MICALL2: variants seen among roughly 807,000 people sequenced by gnomAD.
MICALL2 encodes the protein MICAL-like protein 2.
MICALL2 carries 111 observed loss-of-function variants against 91.1 expected under a neutral mutation model. The ratio of observed to expected loss-of-function variants is 1.22; its 90% CI spans 1.04 to 1.43. The LOEUF (loss-of-function observed/expected upper bound fraction) is 1.43, where lower values mean the gene tolerates loss of function less well. Among genes scored for constraint, MICALL2 ranks in the 40% most tolerant of loss-of-function variants. The pLI is 0.00. For missense variants in MICALL2, 1,556 were observed against 1,236.0 expected, an observed-to-expected ratio of 1.26 and a Z score of -3.88; for synonymous variants, 694 against 525.3, an observed-to-expected ratio of 1.32 and a Z score of -4.39.
intron 9 of MICALL2, chr7:1,439,658 C>CACACACATGA (rs1780181786): frequency 7.8e-6 from 3 of 386,938 alleles, no homozygotes; most frequent in Non-Finnish European, 1.4e-5. Context: ...GCACATGCAT[C>CACACACATGA]ACACACATGA....
Position 1,438,834 on chromosome 7 carries a change from G to A in MICALL2, c.2122+6C>T, listed in dbSNP as rs575714199. On this transcript the variant is annotated splice_donor_region_variant and intron_variant, in intron 10 of 16. Transcript: ENST00000297508. ...CCCAAACAGCAGCGGTGTCTCTGGG[G>A]CTGACCTGGTTTGCCCTGAAGGTGA... 264 of 1,598,846 alleles carry A rather than the reference G, an allele frequency of 1.7e-4. 2 individuals carry two copies. The South Asian group carries it at 2.8e-3, about 17-fold the overall frequency.
chr7:1,442,314 G>A lies in MICALL2; in HGVS notation c.1589C>T (p.Ala530Val), dbSNP rs776300583. The change falls in exon 7 of 17, where the codon GCG (alanine) becomes GTG (valine). Residue 530 changes from alanine (A) to valine (V), a missense_variant. Coordinates refer to ENST00000297508, the MANE Select transcript of MICALL2 (RefSeq NM_182924.4). The part of the protein sequence containing the change: ...LSTSSTSQAS[A>V]LPPAGRRNLA... ...GTTCCTCCTGCCTGCCGGGGGCAAC[G>A]CGGATGCCTGAGAGGTACTGCTCGT... The A allele has an allele frequency of 3.4e-5, 55 of 1,613,220 alleles. No homozygotes were observed. The highest frequency in any genetic ancestry group is 1.7e-4 in the Middle Eastern group (1 of 6,056).
chr7:1,434,512 G>T lies in MICALL2; in HGVS notation c.*84C>A. 2.4e-6 allele frequency: 3 copies of T among 1,245,456 alleles called. No individual in the cohort carries two copies. Among genetic ancestry groups the T allele is most frequent in the Non-Finnish European group, 2.4e-6 (2 of 846,500 alleles). 77.2% of individuals were successfully genotyped at this position (1,245,456 alleles called of 1,614,324 possible). ...AGCCCACGGCCCCGAGTACAAGTCCGGGTTCCGGGTCCGGGCCAAGCCCAT... is the reference window on the plus strand; with the variant it reads ...AGCCCACGGCCCCGAGTACAAGTCCTGGTTCCGGGTCCGGGCCAAGCCCAT... On this transcript the variant is annotated 3_prime_UTR_variant, in exon 17 of 17. Coordinates refer to ENST00000297508, the MANE Select transcript of MICALL2 (RefSeq NM_182924.4).
At chr7:1,448,821 C>A in intron 2 of MICALL2, 60 bp from the exon 3 acceptor site, 1 of 1,588,734 alleles carries the variant, frequency 6.3e-7, no homozygotes, top group East Asian at 2.2e-5. Flanking sequence ...CTCCACCAGG[C>A]CGCAGCTCAC....
At chr7:1,434,744 C>G in intron 16 of MICALL2, 72 bp from the exon 17 acceptor site, 1 of 1,417,904 alleles carries the variant, frequency 7.1e-7, no homozygotes, top group Non-Finnish European at 9.5e-7. Flanking sequence ...ACAAGTCCCC[C>G]TGCCAGAAAC....
At chr7:1,439,297 G>A (rs1429333556) in intron 9 of MICALL2, 6 of 400,678 alleles carry the variant, frequency 1.5e-5, no homozygotes, top group Non-Finnish European at 2.3e-5. Flanking sequence ...AGAGATGTGT[G>A]TGCACACACA....
chr7:1,459,205 T>C lies in MICALL2; in HGVS notation c.122A>G (p.His41Arg), dbSNP rs201656208. ...TTACATGAGGTCGGGCCGGTGGCGG[T>C]GCAGGATGGCGCAGAAAGCCAGGCC... ...RDGLAFCAIL[H>R]RHRPDLINFS... Residue 41 changes from histidine (H) to arginine (R), a missense_variant, in exon 1 of 17, where the codon CAC becomes CGC. By Grantham distance (29) the His-to-Arg change is conservative. Coordinates refer to ENST00000297508, the MANE Select transcript of MICALL2 (RefSeq NM_182924.4). 3 of 1,610,354 alleles carry C rather than the reference T, an allele frequency of 1.9e-6. No homozygotes were observed. The highest frequency in any genetic ancestry group is 1.7e-5 in the Admixed American group (1 of 59,722).
rs1780207690 is a variant in MICALL2, at chr7:1,440,096, G to T, written c.1806-11C>A. ...TTGGGCTTCAGAGTCCTGGGCAGAA[G>T]GCATGAGGTCGGAACCCGAACCACC... On this transcript the variant is annotated splice_polypyrimidine_tract_variant and intron_variant, in intron 8 of 16. Transcript: ENST00000297508. 6.3e-7 allele frequency: 1 copy of T among 1,585,540 alleles called. No homozygotes were observed. Among genetic ancestry groups the T allele is most frequent in the Non-Finnish European group, 8.5e-7 (1 of 1,172,416 alleles).
chr7:1,434,889 G>A, intron 16 of MICALL2: 2 of 704,008 alleles, frequency 2.8e-6, no homozygotes, highest in Non-Finnish European at 4.7e-6. Flanking sequence ...ACGGTCACCA[G>A]CTGCCCCTGG....
Position 1,440,614 on chromosome 7 carries a change from C to A in MICALL2, c.1782G>T (p.Val594=), listed in dbSNP as rs1282085548. 6.2e-7 allele frequency: 1 copy of A among 1,612,812 alleles called. No homozygotes were observed. The highest frequency in any genetic ancestry group is 2.2e-5 in the East Asian group (1 of 44,876). Reference sequence around the variant, plus strand: ...ACCTCTCAGCTGGGCTTCTCCTGTCCACGGGCTTCAGATTCGCTCTCCATC... The same window carrying A: ...ACCTCTCAGCTGGGCTTCTCCTGTCAACGGGCTTCAGATTCGCTCTCCATC... The part of the protein sequence containing the change: ...PAGWRANLKP[V]DRRSPAERTL... Residue 594 remains valine, a synonymous_variant, in exon 8 of 17, where the codon GTG becomes GTT. Coordinates refer to ENST00000297508, the MANE Select transcript of MICALL2 (RefSeq NM_182924.4).
chr7:1,445,015 G>A lies in MICALL2; in HGVS notation c.1055C>T (p.Ala352Val), dbSNP rs375853882. The change falls in exon 6 of 17, where the codon GCC becomes GTC. Residue 352 changes from alanine to valine, a missense_variant. Ala to Val is a moderately conservative substitution (Grantham distance 64). Coordinates refer to ENST00000297508, the MANE Select transcript of MICALL2 (RefSeq NM_182924.4). ...GGAGGCAGCCGCTGCTGTGCACGGG[G>A]CAGCTGACGACCAGCCCATCGGGGA... ...NSSPMGWSSA[A>V]PCTAAAASHP... 4 of 1,522,608 alleles carry A rather than the reference G, an allele frequency of 2.6e-6. No homozygotes were observed. The African/African-American group carries it at 5.5e-5, about 21-fold the overall frequency. 94.3% of individuals were successfully genotyped at this position (1,522,608 alleles called of 1,614,324 possible).
intron 16 of MICALL2, 110 bp downstream of exon 16, chr7:1,434,991 C>A (rs546642279): frequency 1.9e-5 from 7 of 364,392 alleles, no homozygotes; most frequent in South Asian, 1.6e-4. Context: ...ACCCGCCCCC[C>A]CCCCACCCCC....
intron 8 of MICALL2, 57 bp downstream of exon 8, chr7:1,440,534 C>T: frequency 1.4e-6 from 2 of 1,445,982 alleles, no homozygotes; most frequent in Non-Finnish European, 1.9e-6. Flanking sequence ...ATACTCACTG[C>T]ATTTATTAAG....
At position 1,447,647 on chromosome 7, in the gene MICALL2, T is replaced by G. The variant is rs771152506; in HGVS notation, c.453A>C (p.Pro151=). ...CAGGGTTTGTCTGGGCTGGAGATAG[T>G]GGAGGCTTCCGGGCTGGGGCGGGCG... is the stretch of plus-strand genomic sequence containing the variant. ...LPSPAPARKP[P]LSPAQTNPVV... Residue 151 remains proline (P), a synonymous_variant, in exon 4 of 17, where the codon CCA becomes CCC. Transcript: ENST00000297508. The G allele has an allele frequency of 6.3e-7, 1 of 1,595,866 alleles. No individual in the cohort carries two copies. Among genetic ancestry groups the G allele is most frequent in the Non-Finnish European group, 8.5e-7 (1 of 1,172,208 alleles).
At chr7:1,437,706 A>T in intron 13 of MICALL2, 98 bp from the exon 14 acceptor site, 1 of 1,324,510 alleles carries the variant, frequency 7.5e-7, no homozygotes, top group Non-Finnish European at 1.0e-6. Flanking sequence ...CCACACAGAC[A>T]CGAGTCTGAG....
chr7:1,436,620 G>A (rs933058945), intron 15 of MICALL2, 122 bp downstream of exon 15: 88 of 587,502 alleles, frequency 1.5e-4, no homozygotes, highest in Non-Finnish European at 3.9e-5. Context: ...TACTGTACCA[G>A]TCAGCATAGA....
Position 1,444,669 on chromosome 7 carries a change from G to A in MICALL2, c.1401C>T (p.Gly467=), listed in dbSNP as rs372230323. The change falls in exon 6 of 17, where the codon GGC becomes GGT. Residue 467 remains glycine, a synonymous_variant. Coordinates refer to ENST00000297508, the MANE Select transcript of MICALL2 (RefSeq NM_182924.4). The part of the protein sequence containing the change: ...KQALSALEEA[G]APAPGRPSPA... Reference sequence around the variant, plus strand: ...GCGCTCACCTGCCAGGCGCCGGAGCGCCAGCCTCTTCCAGCGCTGAGAGGG... The same window carrying A: ...GCGCTCACCTGCCAGGCGCCGGAGCACCAGCCTCTTCCAGCGCTGAGAGGG... 3.0e-5 allele frequency: 49 copies of A among 1,610,804 alleles called. No individual in the cohort carries two copies. The highest frequency in any genetic ancestry group is 1.3e-4 in the Admixed American group (8 of 59,920).
At chr7:1,434,842 C>A (rs1257499875) in intron 16 of MICALL2, 170 bp from the exon 17 acceptor site, 1 of 769,742 alleles carries the variant, frequency 1.3e-6, no homozygotes, top group Non-Finnish European at 2.0e-6. Flanking sequence ...CCTGCCCCGA[C>A]TGGGTGCCCC....
rs117427382 is a variant in MICALL2, at chr7:1,450,065, G to A, written c.192+175C>T. 1.5e-3 allele frequency among the ~76,000 whole-genome samples: 235 copies of A among 152,304 alleles called. 6 individuals are homozygous for A. The East Asian group carries it at 0.039, about 25-fold the overall frequency. On this transcript the variant is annotated intron_variant, in intron 2 of 16. Transcript: ENST00000297508. ...CAAGATAAGAGGCTATTTCTAGAAC[G>A]CTAGGGTCACCCAGCCCAGGACGCG... is the stretch of plus-strand genomic sequence containing the variant.
Sources: allele counts gnomAD v4.1 joint callset (sites outside exome capture counted in the v4.1 genomes callset), GRCh38; gene constraint gnomAD v4.1.1; transcripts MANE v1.5; gene names NCBI Gene and HGNC (gene_info 2026-07-23, HGNC 2026-07-21).